The following CIBAR2 variants were observed in gnomAD, a reference collection of about 807,000 sequenced individuals.
The protein encoded by CIBAR2 is CBY1-interacting BAR domain-containing protein 2.
In CIBAR2, 38 loss-of-function variants were observed where a neutral mutation model predicts 36.2. The observed-to-expected ratio is 1.05, with a 90% CI of 0.81 to 1.38. The LOEUF is 1.38. Ranked by LOEUF, CIBAR2 falls within the 40% of genes most tolerant of loss-of-function variation. The pLI is 0.00. For missense variants in CIBAR2, 481 were observed against 383.4 expected (o/e 1.25, Z -2.13); for synonymous variants, 182 against 149.5 (o/e 1.22, Z -1.58).
Position 85,105,326 on chromosome 16 carries a change from C to G in CIBAR2, c.537+1G>C. The G allele has an allele frequency of 6.2e-7, 1 of 1,607,456 alleles. No individual in the cohort carries two copies. Among genetic ancestry groups the G allele is most frequent in the Non-Finnish European group, 8.5e-7 (1 of 1,175,536 alleles). The stretch of plus-strand genomic sequence containing the variant: ...CTCCCATCCCGGCCAACCACCCTCA[C>G]CTGCAGGTCCTTGAGCTTCTGCCTC... On this transcript the variant is annotated splice_donor_variant, in intron 6 of 8. Coordinates refer to ENST00000539556, the MANE Select transcript of CIBAR2 (RefSeq NM_198491.3). LOFTEE classifies it high-confidence loss of function.
At chr16:85,106,879 G>T (rs1438923091) in intron 5 of CIBAR2, among the ~76,000 whole-genome samples, 2 of 152,158 alleles carry the variant, frequency 1.3e-5, no homozygotes, top group South Asian at 4.1e-4. Context: ...ACTCTTTGTG[G>T]CTGGGCCTGT....
intron 2 of CIBAR2, 35 bp downstream of exon 2, chr16:85,110,191 C>T: frequency 6.7e-7 from 1 of 1,490,774 alleles, no homozygotes; most frequent in Non-Finnish European, 9.1e-7. Context: ...CCTGGGTACC[C>T]CTCAGCATCC....
At chr16:85,106,645 C>G (rs1004087975) in intron 5 of CIBAR2, among the ~76,000 whole-genome samples, 2 of 152,308 alleles carry the variant, frequency 1.3e-5, no homozygotes, top group East Asian at 1.9e-4. Context: ...CAGACTCTCC[C>G]TGGAACTTCC....
In CIBAR2 at chr16:85,112,232, C is replaced by G; in HGVS notation, c.20+101G>C. On this transcript the variant is annotated intron_variant, in intron 1 of 8. Transcript: ENST00000539556. Reference sequence around the variant, plus strand: ...AGCTCCCCTCACCCCCAACCCCCACCCCAAGCAGCAGGCCCTGCTGCCCTC... The same window carrying G: ...AGCTCCCCTCACCCCCAACCCCCACGCCAAGCAGCAGGCCCTGCTGCCCTC... The G allele has an allele frequency of 4.6e-6, 5 of 1,089,068 alleles. No homozygotes were observed. In the South Asian group the frequency reaches 6.4e-5, roughly 14 times the overall value. The allele number at this position is 1,089,068 out of a possible 1,614,324, so 67.5% of individuals were successfully genotyped here.
At chr16:85,110,616 C>T (rs1435584065) in intron 1 of CIBAR2, among the ~76,000 whole-genome samples, 156 bp from the exon 2 acceptor site, 1 of 151,900 alleles carries the variant, frequency 6.6e-6, no homozygotes, top group Admixed American at 6.6e-5. Context: ...GTGGCAGCAT[C>T]ACGGCCATTG....
intron 7 of CIBAR2, among the ~76,000 whole-genome samples, chr16:85,101,858 G>A (rs1479350842): frequency 6.6e-6 from 1 of 151,994 alleles, no homozygotes; most frequent in East Asian, 1.9e-4. Context: ...AGTAGAGACA[G>A]AATTTCACCA....
In CIBAR2 at chr16:85,112,438, G is replaced by T. The variant is rs929327096; in HGVS notation, c.-86C>A. ...GCAGGCCTGGGAGGAGCCGGGCAGG[G>T]CTGGGTGCAGCTGTGTGGCCTGGGC... On this transcript the variant is annotated 5_prime_UTR_variant, in exon 1 of 9. Coordinates refer to ENST00000539556, the MANE Select transcript of CIBAR2 (RefSeq NM_198491.3). 4 of 1,344,184 alleles carry T rather than the reference G, an allele frequency of 3.0e-6. No individual in the cohort carries two copies. Among genetic ancestry groups the T allele is most frequent in the Non-Finnish European group, 4.3e-6 (4 of 937,956 alleles). The allele number at this position is 1,344,184 out of a possible 1,614,324, so 83.3% of individuals were successfully genotyped here.
intron 8 of CIBAR2, 71 bp from the exon 9 acceptor site, chr16:85,099,417 T>A: frequency 1.1e-6 from 1 of 877,020 alleles, no homozygotes; most frequent in Non-Finnish European, 1.9e-6. Context: ...TGTATGTACC[T>A]AATCACCTCC....
At chr16:85,100,279 A>G in intron 7 of CIBAR2, 39 bp from the exon 8 acceptor site, 2 of 1,404,524 alleles carry the variant, frequency 1.4e-6, no homozygotes, top group Non-Finnish European at 2.0e-6. Context: ...ATCCGATGGG[A>G]AAACACAGCG....
Position 85,110,345 on chromosome 16 carries a change from C to G in CIBAR2, c.136G>C (p.Ala46Pro). The change falls in exon 2 of 9, where the codon GCG becomes CCG. Residue 46 changes from alanine (A) to proline (P), a missense_variant. Transcript: ENST00000539556. ...TRKTARLRDK[A>P]DQLVKQLIDF... ...ATGAGCTGCTTGACCAGCTGGTCCG[C>G]CTTGTCCCGCAGCCGGGCCGTCTTG... 1.2e-6 allele frequency: 2 copies of G among 1,613,484 alleles called. No homozygotes were observed. The highest frequency in any genetic ancestry group is 1.7e-6 in the Non-Finnish European group (2 of 1,179,774).
At chr16:85,103,236 C>A (rs567232135) in intron 6 of CIBAR2, among the ~76,000 whole-genome samples, 26 of 152,156 alleles carry the variant, frequency 1.7e-4, no homozygotes, top group South Asian at 6.2e-4. Flanking sequence ...CATGCGGACT[C>A]ATAGCAGGCA....
chr16:85,108,316 T>C (rs994710213), intron 2 of CIBAR2, among the ~76,000 whole-genome samples: 4 of 152,140 alleles, frequency 2.6e-5, no homozygotes, highest in Admixed American at 2.6e-4. Flanking sequence ...ACGCATTCAG[T>C]CTCTCGAAGC....
At chr16:85,100,786 A>G (rs878861299) in intron 7 of CIBAR2, among the ~76,000 whole-genome samples, 8 of 152,122 alleles carry the variant, frequency 5.3e-5, no homozygotes, top group Non-Finnish European at 1.0e-4. Context: ...GGTGGCTCAC[A>G]CCTGTAATCC....
intron 5 of CIBAR2, among the ~76,000 whole-genome samples, chr16:85,106,716 A>C (rs2073998486): frequency 6.6e-6 from 1 of 152,122 alleles, no homozygotes; most frequent in Admixed American, 6.5e-5. Flanking sequence ...TGAACCTCTA[A>C]CCTCCTGAAC....
intron 2 of CIBAR2, among the ~76,000 whole-genome samples, chr16:85,109,592 T>C (rs372007340): frequency 3.3e-5 from 5 of 152,362 alleles, no homozygotes; most frequent in African/African-American, 1.2e-4. Flanking sequence ...GGCATGATCA[T>C]GGCCCCAGCC....
At chr16:85,109,901 C>T (rs2074026898) in intron 2 of CIBAR2, among the ~76,000 whole-genome samples, 1 of 152,178 alleles carries the variant, frequency 6.6e-6, no homozygotes, top group Non-Finnish European at 1.5e-5. Context: ...CCCTGACTCC[C>T]CACCAGGATT....
rs550971301 is a variant in CIBAR2, at chr16:85,107,616, G to A, written c.432+51C>T. On this transcript the variant is annotated intron_variant, in intron 5 of 8. Transcript: ENST00000539556. ...CTACCTGGCCGTTTTGTGAGGTCGT[G>A]TATTTCCTACGTGTGATTCTGCCTG... 20 of 1,601,438 alleles carry A rather than the reference G, an allele frequency of 1.2e-5. 1 individual carries two copies. Among genetic ancestry groups the A allele is most frequent in the Non-Finnish European group, 1.5e-5 (18 of 1,168,532 alleles).
rs575322395 is a variant in CIBAR2 at position 85,107,706 on chromosome 16, C to A, written c.427-34G>T. On this transcript the variant is annotated intron_variant, in intron 4 of 8. Transcript: ENST00000539556. Reference sequence around the variant, plus strand: ...CGTGCTGTTAAGGAACCAAGTTAAGCCCAGGCAGCCCCGTTGGGGTGGTCC... The same window carrying A: ...CGTGCTGTTAAGGAACCAAGTTAAGACCAGGCAGCCCCGTTGGGGTGGTCC... 24 of 1,613,714 alleles carry A rather than the reference C, an allele frequency of 1.5e-5. No homozygotes were observed. In the South Asian group the frequency reaches 2.5e-4, roughly 17 times the overall value.
chr16:85,110,561 C>T (rs536602874), intron 1 of CIBAR2, 101 bp from the exon 2 acceptor site: 2 of 885,200 alleles, frequency 2.3e-6, no homozygotes, highest in East Asian at 5.4e-5. Context: ...CTGCCACCAG[C>T]CGGCCTCTGG....
Sources: gnomAD v4.1 joint callset for allele counts (sites outside exome capture counted in the v4.1 genomes callset) on GRCh38, gnomAD v4.1.1 for gene constraint, MANE v1.5 for transcripts, NCBI Gene and HGNC (gene_info 2026-07-23, HGNC 2026-07-21) for gene names.